Variants in ZNF609 observed in about 807,000 individuals in gnomAD.
ZNF609 encodes the protein zinc finger protein 609.
In ZNF609, 11 loss-of-function variants were observed where a neutral mutation model predicts 109.5. That is an observed-to-expected ratio of 0.10 (90% CI 0.06 to 0.17). The LOEUF is 0.17. ZNF609 is among the 10% of genes least tolerant of loss of function. The pLI is 1.00. For synonymous variants in ZNF609, 646 were observed against 662.0 expected, an observed-to-expected ratio of 0.98 and a Z score of 0.37; for missense variants, 1,559 against 1,772.4, an observed-to-expected ratio of 0.88 and a Z score of 2.16.
In ZNF609 at chr15:64,548,057, G is replaced by A. The variant is rs1894397524; in HGVS notation, c.747+47891G>A. Among the ~76,000 whole-genome samples, 4 of 152,166 alleles carry A rather than the reference G, an allele frequency of 2.6e-5. 1 individual carries two copies. The highest frequency in any genetic ancestry group is 4.8e-5 in the African/African-American group (2 of 41,438). ...CTCAAGTTTACATATGTATTCCCCA[G>A]TGATTCTTTTCTCCAACTGAATTGT... On this transcript the variant is annotated intron_variant, in intron 2 of 9. Transcript: ENST00000326648.
At chr15:64,549,311 C>T (rs543714229) in intron 2 of ZNF609, among the ~76,000 whole-genome samples, 6 of 152,086 alleles carry the variant, frequency 3.9e-5, no homozygotes, top group African/African-American at 1.4e-4. Flanking sequence ...CTGCCTCAGC[C>T]TCCAGAGTAG....
At chr15:64,662,449 C>T (rs920866416) in intron 3 of ZNF609, among the ~76,000 whole-genome samples, 7 of 152,120 alleles carry the variant, frequency 4.6e-5, no homozygotes, top group African/African-American at 1.7e-4. Flanking sequence ...TGTCAGCCTC[C>T]ATAGTAGTTG....
chr15:64,636,221 C>A (rs1381800922), intron 3 of ZNF609, among the ~76,000 whole-genome samples: 2 of 152,166 alleles, frequency 1.3e-5, no homozygotes, highest in African/African-American at 4.8e-5. Flanking sequence ...CTGCTACTCA[C>A]TAATTGCTCA....
chr15:64,504,799 G>A (rs1893610635), intron 2 of ZNF609, among the ~76,000 whole-genome samples: 1 of 151,788 alleles, frequency 6.6e-6, no homozygotes, highest in Non-Finnish European at 1.5e-5. Flanking sequence ...TATTTTTAAG[G>A]CAGGGTCTCG....
Position 64,678,255 on chromosome 15 carries a change from A to C in ZNF609, c.3542A>C (p.Glu1181Ala). 6.2e-7 allele frequency: 1 copy of C among 1,614,174 alleles called. No homozygotes were observed. Among genetic ancestry groups the C allele is most frequent in the Non-Finnish European group, 8.5e-7 (1 of 1,180,028 alleles). The change falls in exon 6 of 10, where the codon GAA (glutamate) becomes GCA (alanine). Residue 1181 changes from glutamate to alanine, a missense_variant. Glu to Ala is a moderately radical substitution (Grantham distance 107, BLOSUM62 -1). Transcript: ENST00000326648. ...CGGAGTAAGGACTCTGTCCCCAAGG[A>C]AGATGGGAAGGAAAGCACAAGTAGT... ...RSRSKDSVPK[E>A]DGKESTSSDC...
intron 4 of ZNF609, among the ~76,000 whole-genome samples, chr15:64,672,302 G>A (rs1390630424): frequency 7.4e-5 from 11 of 148,096 alleles, no homozygotes; most frequent in East Asian, 6.4e-4. Flanking sequence ...ATGAGCCACC[G>A]CACCCAGCCC....
chr15:64,518,767 T>A (rs1211247551), intron 2 of ZNF609, among the ~76,000 whole-genome samples: 2 of 152,016 alleles, frequency 1.3e-5, no homozygotes, highest in African/African-American at 4.8e-5. Flanking sequence ...TGGGAAGAGA[T>A]TGAAGAAGAA....
At chr15:64,573,533 T>C (rs1051922284) in intron 2 of ZNF609, among the ~76,000 whole-genome samples, 2 of 151,396 alleles carry the variant, frequency 1.3e-5, no homozygotes, top group Non-Finnish European at 2.9e-5. Context: ...TTAATTTTTT[T>C]TTTTTTGTAT....
intron 2 of ZNF609, among the ~76,000 whole-genome samples, chr15:64,543,655 G>A (rs1261369376): frequency 1.3e-5 from 2 of 151,910 alleles, no homozygotes; most frequent in Admixed American, 1.3e-4. Context: ...TATTGGCCAG[G>A]CTGGTCTTGA....
intron 2 of ZNF609, among the ~76,000 whole-genome samples, chr15:64,616,621 G>T (rs1437093461): frequency 1.4e-5 from 2 of 139,232 alleles, no homozygotes; most frequent in East Asian, 2.3e-4. Flanking sequence ...CCAGGTTCAC[G>T]CCATTCTCCT....
intron 1 of ZNF609, among the ~76,000 whole-genome samples, chr15:64,494,460 C>G (rs1893455054): frequency 6.6e-6 from 1 of 152,146 alleles, no homozygotes; most frequent in Admixed American, 6.5e-5. Flanking sequence ...CTTCTACTCA[C>G]TGACTCTCTT....
At chr15:64,492,369 G>T (rs1372149651) in intron 1 of ZNF609, among the ~76,000 whole-genome samples, 1 of 152,070 alleles carries the variant, frequency 6.6e-6, no homozygotes, top group African/African-American at 2.4e-5. Context: ...AATGGGTATT[G>T]GTACAACCTG....
chr15:64,644,783 G>C (rs571764431), intron 3 of ZNF609, among the ~76,000 whole-genome samples: 1 of 152,196 alleles, frequency 6.6e-6, no homozygotes, highest in African/African-American at 2.4e-5. Flanking sequence ...GGGTAGCTTT[G>C]TTTTTATTAT....
intron 2 of ZNF609, among the ~76,000 whole-genome samples, chr15:64,608,624 C>T (rs1436010203): frequency 1.3e-5 from 2 of 152,126 alleles, no homozygotes; most frequent in Non-Finnish European, 2.9e-5. Flanking sequence ...TACCTTTCTT[C>T]CACCTTCCCC....
chr15:64,675,411 G>C lies in ZNF609; in HGVS notation c.2557G>C (p.Glu853Gln). The change falls in exon 5 of 10, where the codon GAG becomes CAG. Residue 853 changes from glutamate (E) to glutamine (Q), a missense_variant. Glu to Gln is a conservative substitution (Grantham distance 29, BLOSUM62 2). Around this residue, in one of 4 missense-constraint regions of ZNF609, gnomAD observed 1,204 missense variants for 1,314.1 expected, o/e 0.92. Coordinates refer to ENST00000326648, the MANE Select transcript of ZNF609 (RefSeq NM_015042.2). ...ATACTCTGACATCTCTGATGCTGGG[G>C]AGGATGGGGAGGGCAAGGTAGACAG... ...PAYSDISDAG[E>Q]DGEGKVDSVK... 1 of 1,614,194 alleles carries C rather than the reference G, an allele frequency of 6.2e-7. No homozygotes were observed. The highest frequency in any genetic ancestry group is 1.3e-5 in the African/African-American group (1 of 75,060).
Position 64,674,486 on chromosome 15 carries a change from T to C in ZNF609, c.1632T>C (p.Asp544=). ...EYGEEPILHA[D]LGSCNGASVS... is the part of the protein sequence containing the mutation. ...GAGAGGAACCTATTCTCCATGCAGA[T>C]CTTGGGAGCTGCAACGGTGCATCTG... is the stretch of plus-strand genomic sequence containing the variant. The change falls in exon 5 of 10, where the codon GAT becomes GAC. Residue 544 remains aspartate (D), a synonymous_variant. Transcript: ENST00000326648. The C allele has an allele frequency of 6.2e-7, 1 of 1,614,122 alleles. No individual in the cohort carries two copies. The highest frequency in any genetic ancestry group is 1.1e-5 in the South Asian group (1 of 91,074).
At chr15:64,500,484 T>C (rs994071339) in intron 2 of ZNF609, 10 of 635,182 alleles carry the variant, frequency 1.6e-5, no homozygotes, top group African/African-American at 3.6e-5. Flanking sequence ...CACTTGTTGG[T>C]AGAGATTGGC....
Position 64,670,353 on chromosome 15 carries a change from G to A in ZNF609, c.981G>A (p.Leu327=). The change falls in exon 4 of 10, where the codon TTG becomes TTA. Residue 327 remains leucine, a synonymous_variant. Coordinates refer to ENST00000326648, the MANE Select transcript of ZNF609 (RefSeq NM_015042.2). ...IVWQETEDGM[L]VVNVTWRNKT... is the part of the protein sequence containing the mutation. ...TGTGCTCTTATTTTCCAGGGATGTT[G>A]GTGGTAAATGTAACGTGGAGGAACA... 2 of 1,613,828 alleles carry A rather than the reference G, an allele frequency of 1.2e-6. No individual in the cohort carries two copies. The highest frequency in any genetic ancestry group is 1.1e-5 in the South Asian group (1 of 91,072).
At chr15:64,658,062 C>T (rs1896516284) in intron 3 of ZNF609, among the ~76,000 whole-genome samples, 1 of 152,176 alleles carries the variant, frequency 6.6e-6, no homozygotes, top group Non-Finnish European at 1.5e-5. Flanking sequence ...TTCTGTCTCC[C>T]AGCATGAAGA....
Sources: allele counts gnomAD v4.1 joint callset (sites outside exome capture counted in the v4.1 genomes callset), GRCh38; gene constraint gnomAD v4.1.1; regional missense constraint gnomAD v4.1.1; transcripts MANE v1.5; gene names NCBI Gene and HGNC (gene_info 2026-07-23, HGNC 2026-07-21).